The following PEBP4 variants were observed in gnomAD, a reference collection of about 807,000 sequenced individuals.
PEBP4 encodes the protein phosphatidylethanolamine-binding protein 4.
Under a neutral mutation model 23.9 loss-of-function variants are expected in PEBP4, and 22 were observed. That is an observed-to-expected ratio of 0.92 (90% CI 0.66 to 1.31). The LOEUF is 1.31. Ranked by LOEUF, PEBP4 falls within the 40% of genes most tolerant of loss-of-function variation. The pLI is 0.00. For synonymous variants in PEBP4, 112 were observed against 99.3 expected, an observed-to-expected ratio of 1.13 and a Z score of -0.76; for missense variants, 324 against 281.7, an observed-to-expected ratio of 1.15 and a Z score of -1.07.
At chr8:22,932,220 G>T (rs182162352), upstream of PEBP4, among the ~76,000 whole-genome samples, 15 of 152,328 alleles carry the variant, frequency 9.8e-5, no homozygotes, top group East Asian at 2.1e-3. Context: ...TAGACTAGTG[G>T]TTGCTAAGGC....
rs186042769 is a variant in PEBP4 at position 22,865,964 on chromosome 8, C to G, written c.259-48229G>C. ...GCGCCGGGCGGTGCTGCCCGGAGAG[C>G]GCGCAGCCCCCAGCCGGCCGCGCCA... On this transcript the variant is annotated intron_variant, in intron 3 of 6. Coordinates refer to ENST00000256404, the MANE Select transcript of PEBP4 (RefSeq NM_144962.3). The surrounding 1 kb of genome is among the most constrained non-coding windows in gnomAD (Gnocchi z 6.9). 8.1e-3 allele frequency among the ~76,000 whole-genome samples: 1,226 copies of G among 152,090 alleles called. 7 individuals are homozygous for G. The highest frequency in any genetic ancestry group is 0.014 in the Non-Finnish European group (922 of 67,934).
upstream of PEBP4, among the ~76,000 whole-genome samples, chr8:22,930,266 AG>A (rs1225361683): frequency 6.6e-6 from 1 of 152,120 alleles, no homozygotes; most frequent in Non-Finnish European, 1.5e-5. Context: ...CACCTTCATT[AG>A]GGGGGTAGCT....
chr8:22,782,043 A>C (rs944530563), intron 4 of PEBP4, among the ~76,000 whole-genome samples: 1 of 152,194 alleles, frequency 6.6e-6, no homozygotes, highest in South Asian at 2.1e-4. Context: ...TTGTTCTTTC[A>C]GTCACTCTGT....
intron 1 of PEBP4, among the ~76,000 whole-genome samples, chr8:22,939,682 G>A (rs1809583839): frequency 6.6e-6 from 1 of 151,760 alleles, no homozygotes; most frequent in Admixed American, 6.6e-5. Flanking sequence ...TGGCAATGAT[G>A]GGGCTGGCAA....
At chr8:22,768,730 G>A (rs977859843) in intron 4 of PEBP4, among the ~76,000 whole-genome samples, 6 of 152,130 alleles carry the variant, frequency 3.9e-5, no homozygotes, top group African/African-American at 1.4e-4. Context: ...GGCAGGATGG[G>A]GAGAGGAGTG....
chr8:22,936,291 G>C (rs1809539328), intron 1 of PEBP4, among the ~76,000 whole-genome samples: 2 of 151,608 alleles, frequency 1.3e-5, no homozygotes, highest in African/African-American at 2.4e-5. Flanking sequence ...AATAAAAAGG[G>C]TGATAAGAGA....
chr8:22,784,298 G>A (rs888294450), intron 4 of PEBP4, among the ~76,000 whole-genome samples: 9 of 152,196 alleles, frequency 5.9e-5, no homozygotes, highest in Admixed American at 4.6e-4. Context: ...TGGGGCTTGC[G>A]TAGAACACAC....
At chr8:22,903,901 C>G (rs999524230) in intron 3 of PEBP4, among the ~76,000 whole-genome samples, 2 of 152,192 alleles carry the variant, frequency 1.3e-5, no homozygotes, top group Admixed American at 6.5e-5. Flanking sequence ...AGCAGGCAGG[C>G]AAGACAGAGC....
chr8:22,923,889 G>C lies in PEBP4; in HGVS notation c.132-3579C>G, dbSNP rs570527522. Among the ~76,000 whole-genome samples, 4 of 152,252 alleles carry C rather than the reference G, an allele frequency of 2.6e-5. No individual in the cohort carries two copies. The East Asian group carries it at 7.7e-4, about 29-fold the overall frequency. Reference sequence around the variant, plus strand: ...CTGAATCCACTAGCACCTTGATTTTGGCGCTTCTCAGCCTCCAGAGTTGTG... The same window carrying C: ...CTGAATCCACTAGCACCTTGATTTTCGCGCTTCTCAGCCTCCAGAGTTGTG... On this transcript the variant is annotated intron_variant, in intron 2 of 6. Transcript: ENST00000256404.
intron 1 of PEBP4, among the ~76,000 whole-genome samples, chr8:22,933,064 G>T (rs8180915): frequency 0.42 from 62,823 of 151,178 alleles, 13,885 homozygotes; most frequent in African/African-American, 0.56. Flanking sequence ...CACCTCCACT[G>T]CCAGCAGTAT....
chr8:22,768,110 G>C (rs1805645540), intron 4 of PEBP4, among the ~76,000 whole-genome samples: 1 of 152,216 alleles, frequency 6.6e-6, no homozygotes, highest in Non-Finnish European at 1.5e-5. Context: ...GTGCCTGTTG[G>C]AAATTCCCTA....
intron 4 of PEBP4, among the ~76,000 whole-genome samples, chr8:22,752,194 C>G (rs1193952217): frequency 1.3e-5 from 2 of 152,218 alleles, no homozygotes; most frequent in Non-Finnish European, 2.9e-5. Flanking sequence ...CAGGCGTGAG[C>G]CACCCTGTCT....
At chr8:22,914,967 C>T (rs1809040719) in intron 3 of PEBP4, among the ~76,000 whole-genome samples, 2 of 152,244 alleles carry the variant, frequency 1.3e-5, no homozygotes, top group African/African-American at 4.8e-5. Context: ...CCCCTTTAGT[C>T]TCAAAAGGGT....
chr8:22,921,427 T>C (rs1008207806), intron 2 of PEBP4, among the ~76,000 whole-genome samples: 7 of 152,192 alleles, frequency 4.6e-5, no homozygotes, highest in African/African-American at 1.4e-4. Flanking sequence ...ATTTGGAGAA[T>C]AGATCTGGAA....
chr8:22,772,443 A>T (rs1461569855), intron 4 of PEBP4, among the ~76,000 whole-genome samples: 2 of 150,918 alleles, frequency 1.3e-5, no homozygotes, highest in South Asian at 2.1e-4. Flanking sequence ...ATTTAATTAA[A>T]TCCTCACAAC....
chr8:22,719,228 G>A lies in PEBP4; in HGVS notation c.517+5615C>T, dbSNP rs566961809. On this transcript the variant is annotated intron_variant, in intron 6 of 6. Coordinates refer to ENST00000256404, the MANE Select transcript of PEBP4 (RefSeq NM_144962.3). Reference sequence around the variant, plus strand: ...AGGGCCCTGAGGCTGCCCTGGAGGTGGTGACCCAAGCCTCTCTTGCCCGTT... The same window carrying A: ...AGGGCCCTGAGGCTGCCCTGGAGGTAGTGACCCAAGCCTCTCTTGCCCGTT... 1.6e-4 allele frequency among the ~76,000 whole-genome samples: 25 copies of A among 152,322 alleles called. No individual in the cohort carries two copies. The South Asian group carries it at 4.6e-3, about 28-fold the overall frequency.
intron 4 of PEBP4, among the ~76,000 whole-genome samples, chr8:22,806,410 A>G (rs1470555659): frequency 6.6e-6 from 1 of 152,126 alleles, no homozygotes; most frequent in Non-Finnish European, 1.5e-5. Context: ...TGAGGTCAGG[A>G]GTTCGAGATC....
At position 22,729,560 on chromosome 8, in the gene PEBP4, A is replaced by T. The variant is rs953589643; in HGVS notation, c.358-2340T>A. ...TGGGGTGGGAAGTCTCCCTTTCTTCATCCTTTCACTCTGGGGAGCTTTTCT... is the reference window on the plus strand; with the variant it reads ...TGGGGTGGGAAGTCTCCCTTTCTTCTTCCTTTCACTCTGGGGAGCTTTTCT... On this transcript the variant is annotated intron_variant, in intron 4 of 6. Transcript: ENST00000256404. Among the ~76,000 whole-genome samples the T allele has an allele frequency of 5.9e-5, 9 of 152,314 alleles. No homozygotes were observed. In the East Asian group the frequency reaches 1.4e-3, roughly 23 times the overall value.
At chr8:22,874,108 G>A (rs527885699) in intron 3 of PEBP4, among the ~76,000 whole-genome samples, 1 of 152,288 alleles carries the variant, frequency 6.6e-6, no homozygotes, top group African/African-American at 2.4e-5. Context: ...CTTGGGGAAA[G>A]TGTGGAGGCC....
Sources: gnomAD v4.1 joint callset for allele counts (sites outside exome capture counted in the v4.1 genomes callset) on GRCh38, gnomAD v4.1.1 for gene constraint, Gnocchi (gnomAD v3.1) non-coding constraint, MANE v1.5 for transcripts, NCBI Gene and HGNC (gene_info 2026-07-23, HGNC 2026-07-21) for gene names.